The following APBB1IP variants were observed in gnomAD, a reference collection of about 807,000 sequenced individuals.
APBB1IP encodes the protein amyloid beta precursor protein binding family B member 1 interacting protein.
APBB1IP carries 27 observed loss-of-function variants against 64.9 expected under a neutral mutation model. That is an observed-to-expected ratio of 0.42 (90% confidence interval 0.31 to 0.57). APBB1IP has a LOEUF of 0.57. Among genes scored for constraint, APBB1IP ranks in the 20% least tolerant of loss-of-function variants. The pLI, the probability that APBB1IP is intolerant of heterozygous loss-of-function variation, is 0.20. For synonymous variants in APBB1IP, 392 were observed against 331.0 expected, an observed-to-expected ratio of 1.18 and a Z score of -2.00; for missense variants, 812 against 845.5, an observed-to-expected ratio of 0.96 and a Z score of 0.49.
At chr10:26,546,624 G>T (rs1836768467) in intron 11 of APBB1IP, among the ~76,000 whole-genome samples, 1 of 152,088 alleles carries the variant, frequency 6.6e-6, no homozygotes, top group African/African-American at 2.4e-5. Context: ...TAGTGTACCA[G>T]AACTTATTCT....
At chr10:26,470,143 T>C (rs950550912) in intron 2 of APBB1IP, among the ~76,000 whole-genome samples, 1 of 152,216 alleles carries the variant, frequency 6.6e-6, no homozygotes, top group Admixed American at 6.5e-5. Flanking sequence ...GCAACACACA[T>C]TTAGTAGAAA....
At chr10:26,529,236 A>G (rs1175526098) in intron 8 of APBB1IP, among the ~76,000 whole-genome samples, 1 of 152,216 alleles carries the variant, frequency 6.6e-6, no homozygotes, top group East Asian at 1.9e-4. Flanking sequence ...TCTGCTCACT[A>G]CTTCTACAGA....
chr10:26,531,873 G>C (rs1367963348), intron 8 of APBB1IP, among the ~76,000 whole-genome samples: 1 of 152,130 alleles, frequency 6.6e-6, no homozygotes, highest in Non-Finnish European at 1.5e-5. Context: ...TTGAGCCCAG[G>C]AGTTCAAGGC....
At chr10:26,558,632 A>AAG (rs1325262586) in intron 11 of APBB1IP, among the ~76,000 whole-genome samples, 1 of 149,744 alleles carries the variant, frequency 6.7e-6, no homozygotes, top group Non-Finnish European at 1.5e-5. Context: ...AAAAAAAAAA[A>AAG]GCCAAGCATG....
chr10:26,458,105 TC>T (rs1323573246), intron 2 of APBB1IP, among the ~76,000 whole-genome samples: 5 of 152,124 alleles, frequency 3.3e-5, no homozygotes, highest in African/African-American at 1.2e-4. Flanking sequence ...TTACTGAAAC[TC>T]TCTGGATGTG....
chr10:26,439,647 T>A (rs1049072315), intron 2 of APBB1IP, among the ~76,000 whole-genome samples: 1 of 97,822 alleles, frequency 1.0e-5, no homozygotes, highest in African/African-American at 3.2e-5. Flanking sequence ...GAACGTGAAA[T>A]GTGTTTCCTA....
intron 8 of APBB1IP, among the ~76,000 whole-genome samples, chr10:26,521,991 TC>T (rs1836407839): frequency 6.6e-6 from 1 of 152,174 alleles, no homozygotes; most frequent in Admixed American, 6.6e-5. Flanking sequence ...CCTCATGTAA[TC>T]TGCCCACCTC....
chr10:26,509,801 A>G (rs905375857), intron 6 of APBB1IP: 5 of 152,188 alleles, frequency 3.3e-5, no homozygotes, highest in Non-Finnish European at 5.9e-5. Context: ...TTTAATAACA[A>G]TGAGTCTTAT....
chr10:26,518,890 CTAA>C (rs1241514007), intron 8 of APBB1IP, among the ~76,000 whole-genome samples: 1 of 152,140 alleles, frequency 6.6e-6, no homozygotes, highest in Non-Finnish European at 1.5e-5. Flanking sequence ...CAATAGCTCT[CTAA>C]TGCCTTCACA....
At chr10:26,469,767 C>G (rs1428428080) in intron 2 of APBB1IP, among the ~76,000 whole-genome samples, 1 of 152,134 alleles carries the variant, frequency 6.6e-6, no homozygotes, top group East Asian at 1.9e-4. Context: ...TCTCCTCCCT[C>G]CTTCCCCACT....
At chr10:26,443,291 G>A in intron 2 of APBB1IP, among the ~76,000 whole-genome samples, 1 of 151,962 alleles carries the variant, frequency 6.6e-6, no homozygotes, top group East Asian at 1.9e-4. Flanking sequence ...TGGCATGGTG[G>A]TGCATGCCTG....
At position 26,476,710 on chromosome 10, in the gene APBB1IP, A is replaced by G. The variant is rs557433616; in HGVS notation, c.1-15617A>G. Reference sequence around the variant, plus strand: ...CAGTAAATGTGATCATGCTCAGTAAATGTTATGTGATTTAATACTATATTC... The same window carrying G: ...CAGTAAATGTGATCATGCTCAGTAAGTGTTATGTGATTTAATACTATATTC... On this transcript the variant is annotated intron_variant, in intron 2 of 14. Transcript: ENST00000376236. Among the ~76,000 whole-genome samples, 3 of 152,242 alleles carry G rather than the reference A, an allele frequency of 2.0e-5. No homozygotes were observed. The East Asian group carries it at 5.8e-4, about 29-fold the overall frequency.
chr10:26,458,407 G>A (rs769720474), intron 2 of APBB1IP, among the ~76,000 whole-genome samples: 21 of 151,118 alleles, frequency 1.4e-4, no homozygotes, highest in Admixed American at 4.0e-4. Context: ...AGGAAGGTAG[G>A]AAAAGGGAAG....
chr10:26,491,759 GTT>G (rs11403116), intron 2 of APBB1IP, among the ~76,000 whole-genome samples: 6 of 116,566 alleles, frequency 5.1e-5, no homozygotes, highest in Admixed American at 2.9e-4. Context: ...TTTGTGTAAG[GTT>G]TTTTTTTTTT....
chr10:26,538,066 A>G (rs1015226154), intron 10 of APBB1IP, among the ~76,000 whole-genome samples: 4 of 152,194 alleles, frequency 2.6e-5, no homozygotes, highest in Non-Finnish European at 5.9e-5. Context: ...ACCAATAGAA[A>G]AGAAGAGGCA....
At chr10:26,551,348 G>A (rs1836828099) in intron 11 of APBB1IP, among the ~76,000 whole-genome samples, 1 of 152,180 alleles carries the variant, frequency 6.6e-6, no homozygotes, top group South Asian at 2.1e-4. Context: ...CTTTCCATGT[G>A]TGGGTACCGC....
intron 2 of APBB1IP, 85 bp from the exon 3 acceptor site, chr10:26,492,242 C>A: frequency 7.9e-7 from 1 of 1,271,966 alleles, no homozygotes; most frequent in Non-Finnish European, 1.1e-6. Context: ...GGATGGGGCT[C>A]TTGGGGGAAA....
intron 11 of APBB1IP, among the ~76,000 whole-genome samples, chr10:26,558,692 G>A (rs1313494648): frequency 1.3e-5 from 2 of 151,852 alleles, no homozygotes; most frequent in Non-Finnish European, 2.9e-5. Flanking sequence ...TGGAAGGATT[G>A]CGTGAGCCCA....
intron 8 of APBB1IP, 29 bp downstream of exon 8, chr10:26,513,689 T>C (rs751986666): frequency 5.2e-5 from 82 of 1,566,456 alleles, no homozygotes; most frequent in Non-Finnish European, 6.6e-5. Flanking sequence ...TGTTAAACCC[T>C]ATAAAGTACA....
Sources: allele counts gnomAD v4.1 joint callset (sites outside exome capture counted in the v4.1 genomes callset), GRCh38; gene constraint gnomAD v4.1.1; transcripts MANE v1.5; gene names NCBI Gene and HGNC (gene_info 2026-07-23, HGNC 2026-07-21).